The following KLC1 variants were observed in gnomAD, a reference collection of about 807,000 sequenced individuals.
The protein encoded by KLC1 is kinesin 2 60/70kDa.
Under a neutral mutation model 84.2 loss-of-function variants are expected in KLC1, and 30 were observed. That is an observed-to-expected ratio of 0.36 (90% CI 0.27 to 0.48). The LOEUF is 0.48. KLC1 is among the 20% of genes least tolerant of loss of function. KLC1 has a pLI of 0.99. For synonymous variants in KLC1, 289 were observed against 293.3 expected (o/e 0.99, Z 0.15); for missense variants, 499 against 805.4 (o/e 0.62, Z 4.60).
At chr14:103,643,685 T>C (rs1021364996) in intron 1 of KLC1, among the ~76,000 whole-genome samples, 1 of 152,086 alleles carries the variant, frequency 6.6e-6, no homozygotes, top group Non-Finnish European at 1.5e-5. Context: ...CCCAACACTT[T>C]GGAAGGCCAA....
chr14:103,638,024 T>C (rs2077179432), intron 1 of KLC1, among the ~76,000 whole-genome samples: 3 of 152,170 alleles, frequency 2.0e-5, no homozygotes, highest in Admixed American at 2.0e-4. Flanking sequence ...GAATATGACG[T>C]GGACTGTTCC....
At chr14:103,670,151 C>T in intron 6 of KLC1, 31 bp from the exon 7 acceptor site, 1 of 1,505,570 alleles carries the variant, frequency 6.6e-7, no homozygotes. Flanking sequence ...TTATCTTTTA[C>T]CATTCTTAGT....
chr14:103,673,109 T>G lies in KLC1; in HGVS notation c.1083T>G (p.Tyr361Ter), dbSNP rs1321244230. ...GCAAGTATGAAGAAGTAGAATATTA[T>G]TATCAAAGAGCCCTCGAGATCTACC... Reference protein sequence around the residue: ...NQGKYEEVEYYYQRALEIYQT... With the variant: ...NQGKYEEVEY The change falls in exon 8 of 17, where the codon TAT becomes TAG. Residue 361 changes from tyrosine to a stop codon, truncating the protein, a stop_gained. Transcript: ENST00000334553. LOFTEE classifies it high-confidence loss of function. 1 of 1,614,012 alleles carries G rather than the reference T, an allele frequency of 6.2e-7. No homozygotes were observed. The highest frequency in any genetic ancestry group is 1.1e-5 in the South Asian group (1 of 91,058).
intron 15 of KLC1, chr14:103,698,773 G>T: frequency 6.4e-7 from 1 of 1,568,156 alleles, no homozygotes; most frequent in East Asian, 2.4e-5. Flanking sequence ...TTCTCAGGCA[G>T]GGCTGTTGTG....
Position 103,700,713 on chromosome 14 carries a change from G to A in KLC1, c.1907G>A (p.Arg636Lys). Residue 636 changes from arginine (R) to lysine (K), a missense_variant, in exon 16 of 17, where the codon AGA becomes AAA. Around this residue, in one of 3 missense-constraint regions of KLC1, gnomAD observed 167 missense variants for 208.8 expected, o/e 0.80. Coordinates refer to ENST00000334553, the MANE Select transcript of KLC1 (RefSeq NM_001394837.1). ...CGACAGCAGCAGCAGTGGCCTGGAAGACGCCACCGCTAACGTGAGTCCCAC... is the reference window on the plus strand; with the variant it reads ...CGACAGCAGCAGCAGTGGCCTGGAAAACGCCACCGCTAACGTGAGTCCCAC... ...GKRQQQQWPGRRHR is the reference protein window; with the variant it reads ...GKRQQQQWPGKRHR 6.2e-7 allele frequency: 1 copy of A among 1,602,430 alleles called. No homozygotes were observed. The highest frequency in any genetic ancestry group is 8.5e-7 in the Non-Finnish European group (1 of 1,175,400).
chr14:103,651,358 T>C (rs1263881583), intron 1 of KLC1, among the ~76,000 whole-genome samples: 2 of 151,970 alleles, frequency 1.3e-5, no homozygotes, highest in Admixed American at 6.6e-5. Flanking sequence ...TACGTGCATA[T>C]AGACTTTTGC....
intron 15 of KLC1, chr14:103,698,933 G>A (rs370391238): frequency 6.1e-5 from 98 of 1,600,092 alleles, no homozygotes; most frequent in East Asian, 1.6e-4. Context: ...CCTCTTCCTC[G>A]CGGAGCCGGT....
At chr14:103,666,097 G>T (rs953002331) in intron 5 of KLC1, among the ~76,000 whole-genome samples, 3 of 151,542 alleles carry the variant, frequency 2.0e-5, no homozygotes, top group East Asian at 1.9e-4. Flanking sequence ...ACGGAGTCTC[G>T]CTGTCACCCA....
At chr14:103,699,496 C>G (rs200948313) in intron 15 of KLC1, 5 of 1,612,884 alleles carry the variant, frequency 3.1e-6, no homozygotes, top group Non-Finnish European at 4.2e-6. Flanking sequence ...GGGCTGCCAC[C>G]GAGTCGATGA....
intron 5 of KLC1, among the ~76,000 whole-genome samples, chr14:103,668,546 A>G (rs987993549): frequency 6.0e-5 from 9 of 150,212 alleles, no homozygotes; most frequent in African/African-American, 7.4e-5. Context: ...GGCGCGATCT[A>G]TGCTCACTGC....
intron 3 of KLC1, among the ~76,000 whole-genome samples, chr14:103,661,203 C>T (rs551613153): frequency 3.9e-5 from 6 of 152,164 alleles, no homozygotes; most frequent in Non-Finnish European, 8.8e-5. Context: ...ATGTCCTCTC[C>T]TCTGCAGCTC....
chr14:103,700,483 C>A, intron 15 of KLC1, 172 bp from the exon 16 acceptor site: 1 of 551,764 alleles, frequency 1.8e-6, no homozygotes, highest in Non-Finnish European at 3.2e-6. Flanking sequence ...GTAGTTCAGG[C>A]CCCACGGGCC....
intron 12 of KLC1, among the ~76,000 whole-genome samples, chr14:103,678,215 A>G (rs1461750839): frequency 6.6e-6 from 1 of 152,210 alleles, no homozygotes; most frequent in Non-Finnish European, 1.5e-5. Context: ...GTGAGCCGAG[A>G]TTGCACTACT....
In KLC1 at chr14:103,673,855, G is replaced by A. The variant is rs185636099; in HGVS notation, c.1261+424G>A. ...GGAGAATGGCGTGAACCCGGGAGGC[G>A]GATCTTGCAGTGAGCCGAGATCGTG... On this transcript the variant is annotated intron_variant, in intron 9 of 16. Transcript: ENST00000334553. Among the ~76,000 whole-genome samples the A allele has an allele frequency of 4.3e-4, 66 of 152,122 alleles. 1 individual carries two copies. The highest frequency in any genetic ancestry group is 1.4e-3 in the African/African-American group (60 of 41,494).
intron 5 of KLC1, among the ~76,000 whole-genome samples, chr14:103,664,819 CTT>C (rs34967823): frequency 0.27 from 27,589 of 102,262 alleles, 3,332 homozygotes; most frequent in East Asian, 0.46. Flanking sequence ...TTGGCCAAGG[CTT>C]TTTTTTTTTT....
At chr14:103,698,424 G>A (rs2082760523) in intron 15 of KLC1, 1 of 325,108 alleles carries the variant, frequency 3.1e-6, no homozygotes, top group Non-Finnish European at 5.9e-6. Context: ...CAGGGGGCAG[G>A]CCTCAGACGC....
At position 103,701,398 on chromosome 14, in the gene KLC1, T is replaced by C. The variant is rs1319182288; in HGVS notation, c.*199T>C. 2 of 531,854 alleles carry C rather than the reference T, an allele frequency of 3.8e-6. No individual in the cohort carries two copies. The highest frequency in any genetic ancestry group is 6.6e-6 in the Non-Finnish European group (2 of 304,034). The allele number at this position is 531,854 out of a possible 1,614,324, so 32.9% of individuals were successfully genotyped here. Reference sequence around the variant, plus strand: ...CTTGGGGCTGGGGCTGGGCCTAAGCTGGTGCCCTGGTGCGGCGTGGTCTCT... The same window carrying C: ...CTTGGGGCTGGGGCTGGGCCTAAGCCGGTGCCCTGGTGCGGCGTGGTCTCT... On this transcript the variant is annotated 3_prime_UTR_variant, in exon 17 of 17. Coordinates refer to ENST00000334553, the MANE Select transcript of KLC1 (RefSeq NM_001394837.1).
At chr14:103,671,113 A>G (rs570550902) in intron 7 of KLC1, among the ~76,000 whole-genome samples, 30 of 152,254 alleles carry the variant, frequency 2.0e-4, no homozygotes, top group African/African-American at 7.0e-4. Context: ...TCAATAAGAA[A>G]AACATGATTA....
At chr14:103,660,849 G>C (rs903382264) in intron 3 of KLC1, among the ~76,000 whole-genome samples, 1 of 152,084 alleles carries the variant, frequency 6.6e-6, no homozygotes, top group Non-Finnish European at 1.5e-5. Context: ...TTGCTCTAGA[G>C]TGCTATGGAA....
Sources: allele counts gnomAD v4.1 joint callset (sites outside exome capture counted in the v4.1 genomes callset), GRCh38; gene constraint gnomAD v4.1.1; regional missense constraint gnomAD v4.1.1; transcripts MANE v1.5; gene names NCBI Gene and HGNC (gene_info 2026-07-23, HGNC 2026-07-21).